The following LANCL2 variants were observed in gnomAD, a reference collection of about 807,000 sequenced individuals.
LANCL2 encodes lanC-like protein 2.
In LANCL2, 33 loss-of-function variants were observed where a neutral mutation model predicts 56.9. The observed-to-expected ratio is 0.58, with a 90% CI of 0.44 to 0.78. The LOEUF (loss-of-function observed/expected upper bound fraction) is 0.78. Ranked by LOEUF, LANCL2 falls within the 30% of genes least tolerant of loss-of-function variation. The pLI, the probability that LANCL2 is intolerant of heterozygous loss-of-function variation, is 0.00. For missense variants in LANCL2, 562 were observed against 580.2 expected (o/e 0.97, Z 0.32); for synonymous variants, 233 against 228.2 (o/e 1.02, Z -0.19).
intron 8 of LANCL2, among the ~76,000 whole-genome samples, chr7:55,429,090 A>G (rs1349349353): frequency 1.3e-5 from 2 of 152,188 alleles, no homozygotes; most frequent in East Asian, 3.8e-4. Context: ...AGGTTTTTGC[A>G]TCTCTATTCA....
intron 2 of LANCL2, among the ~76,000 whole-genome samples, chr7:55,397,656 C>CTT (rs10659615): frequency 0.43 from 46,526 of 108,596 alleles, 10,052 homozygotes; most frequent in Non-Finnish European, 0.52. Context: ...TATACTGATT[C>CTT]TTTTTTTTTT....
At chr7:55,380,962 C>G (rs1370573872) in intron 1 of LANCL2, among the ~76,000 whole-genome samples, 1 of 150,918 alleles carries the variant, frequency 6.6e-6, no homozygotes, top group African/African-American at 2.4e-5. Context: ...AGCTCTGCCT[C>G]CTGGGTTCAA....
chr7:55,376,424 C>G (rs1790003245), intron 1 of LANCL2, among the ~76,000 whole-genome samples: 1 of 152,194 alleles, frequency 6.6e-6, no homozygotes, highest in Non-Finnish European at 1.5e-5. Context: ...CATTGAGGAG[C>G]AAGCTTTCAG....
chr7:55,404,807 T>C (rs537675839), intron 5 of LANCL2, among the ~76,000 whole-genome samples: 1 of 152,160 alleles, frequency 6.6e-6, no homozygotes, highest in South Asian at 2.1e-4. Context: ...AGAGATGGAG[T>C]TTCGCCATGT....
intron 2 of LANCL2, among the ~76,000 whole-genome samples, chr7:55,398,150 T>G (rs1184463320): frequency 6.6e-6 from 1 of 152,104 alleles, no homozygotes; most frequent in East Asian, 1.9e-4. Flanking sequence ...TTCTGTTGTC[T>G]GTGAATAAGA....
At chr7:55,387,930 T>G (rs897392345) in intron 1 of LANCL2, among the ~76,000 whole-genome samples, 7 of 152,236 alleles carry the variant, frequency 4.6e-5, no homozygotes, top group African/African-American at 1.7e-4. Flanking sequence ...TAAATGAGTT[T>G]TCAACGTTTA....
chr7:55,383,286 C>T (rs1178619561), intron 1 of LANCL2, among the ~76,000 whole-genome samples: 2 of 152,010 alleles, frequency 1.3e-5, no homozygotes, highest in Non-Finnish European at 2.9e-5. Context: ...GGGAGGGAGG[C>T]TCCAAGCAGA....
At chr7:55,407,111 C>T (rs1250542747) in intron 5 of LANCL2, among the ~76,000 whole-genome samples, 1 of 152,180 alleles carries the variant, frequency 6.6e-6, no homozygotes, top group Non-Finnish European at 1.5e-5. Flanking sequence ...CACCTGCACC[C>T]AGCACAGGGA....
At chr7:55,401,430 C>T (rs533951799) in intron 5 of LANCL2, 110 bp downstream of exon 5, 52 of 791,764 alleles carry the variant, frequency 6.6e-5, no homozygotes, top group African/African-American at 5.0e-4. Flanking sequence ...TACTTTGAAT[C>T]GCTGATGCGT....
In LANCL2 at chr7:55,380,842, G is replaced by A. The variant is rs115110403; in HGVS notation, c.205-10951G>A. 5.0e-3 allele frequency among the ~76,000 whole-genome samples: 750 copies of A among 150,660 alleles called. 5 individuals are homozygous for A. Among genetic ancestry groups the A allele is most frequent in the African/African-American group, 0.017 (689 of 41,104 alleles). Reference sequence around the variant, plus strand: ...GGGAGGTTCTATAGAGTATGTTACAGTGCATGATCAGAGGAGGAGTGAATT... The same window carrying A: ...GGGAGGTTCTATAGAGTATGTTACAATGCATGATCAGAGGAGGAGTGAATT... On this transcript the variant is annotated intron_variant, in intron 1 of 8. Transcript: ENST00000254770.
intron 5 of LANCL2, chr7:55,411,385 A>T (rs1220129342): frequency 6.6e-6 from 1 of 152,302 alleles, no homozygotes; most frequent in African/African-American, 2.4e-5. Context: ...GTATTGCCAC[A>T]AATTGTTGGA....
chr7:55,365,913 G>C lies in LANCL2; in HGVS notation c.-113G>C. 1.2e-6 allele frequency: 1 copy of C among 812,938 alleles called. No individual in the cohort carries two copies. The highest frequency in any genetic ancestry group is 2.3e-5 in the South Asian group (1 of 43,334). The allele number at this position is 812,938 out of a possible 1,614,324, so 50.4% of individuals were successfully genotyped here. On this transcript the variant is annotated 5_prime_UTR_variant, in exon 1 of 9. Transcript: ENST00000254770. ...GCTCCTCCCGCCAGCGCGCGGCCTC[G>C]CTCCTCCTAGAGGACGCTCTCTGCG...
At chr7:55,413,166 C>T (rs1790489959) in intron 6 of LANCL2, among the ~76,000 whole-genome samples, 2 of 152,190 alleles carry the variant, frequency 1.3e-5, no homozygotes, top group African/African-American at 2.4e-5. Flanking sequence ...ATCTTCCTAA[C>T]AGTACCCTCA....
chr7:55,415,910 C>T (rs1790531313), intron 6 of LANCL2, among the ~76,000 whole-genome samples: 1 of 151,970 alleles, frequency 6.6e-6, no homozygotes, highest in Admixed American at 6.6e-5. Flanking sequence ...CCACTGTGTC[C>T]GGCCAGTTTA....
intron 1 of LANCL2, among the ~76,000 whole-genome samples, chr7:55,390,356 A>G (rs1790172569): frequency 6.6e-6 from 1 of 152,208 alleles, no homozygotes; most frequent in Admixed American, 6.5e-5. Flanking sequence ...CTATAATCCC[A>G]GCACTTTGAG....
chr7:55,425,577 G>A, intron 7 of LANCL2, 147 bp downstream of exon 7: 1 of 729,224 alleles, frequency 1.4e-6, no homozygotes, highest in Admixed American at 2.9e-5. Context: ...AGCCTTATCT[G>A]TGGTTTCTCT....
Position 55,431,237 on chromosome 7 carries a change from G to A in LANCL2, c.1270G>A (p.Ala424Thr), listed in dbSNP as rs145947925. Residue 424 changes from alanine to threonine, a missense_variant, in exon 9 of 9, where the codon GCT becomes ACT. Physicochemically the swap from Ala to Thr is moderately conservative, Grantham distance 58 (BLOSUM62 0). Around this residue, in one of 2 missense-constraint regions of LANCL2, gnomAD observed 378 missense variants for 468.4 expected, o/e 0.81. Coordinates refer to ENST00000254770, the MANE Select transcript of LANCL2 (RefSeq NM_018697.4). ...PYSLFEGMAGAIHFLSDVLGP... is the reference protein window; with the variant it reads ...PYSLFEGMAGTIHFLSDVLGP... ...ATTTTACATTGCAGGCATGGCTGGC[G>A]CTATTCACTTTCTCTCTGATGTCCT... 127 of 1,612,576 alleles carry A rather than the reference G, an allele frequency of 7.9e-5. No individual in the cohort carries two copies. The East Asian group carries it at 1.7e-3, about 22-fold the overall frequency.
chr7:55,404,833 C>T (rs576109876), intron 5 of LANCL2, among the ~76,000 whole-genome samples: 18 of 152,198 alleles, frequency 1.2e-4, no homozygotes, highest in Non-Finnish European at 2.4e-4. Context: ...AGGTTGGTCT[C>T]GAACTCCTGA....
At chr7:55,392,549 C>CTG (rs34410605) in intron 2 of LANCL2, among the ~76,000 whole-genome samples, 53,306 of 151,496 alleles carry the variant, frequency 0.35, 9,824 homozygotes, top group African/African-American at 0.42. Context: ...CGGAGTCTCA[C>CTG]TGTTGCTGAG....
Sources: gnomAD v4.1 joint callset for allele counts (sites outside exome capture counted in the v4.1 genomes callset) on GRCh38, gnomAD v4.1.1 for gene constraint, gnomAD v4.1.1 regional missense constraint, MANE v1.5 for transcripts, NCBI Gene and HGNC (gene_info 2026-07-23, HGNC 2026-07-21) for gene names.